STK3: variants seen among roughly 807,000 people sequenced by gnomAD.
STK3 encodes serine/threonine kinase 3.
In STK3, 41 loss-of-function variants were observed where a neutral mutation model predicts 58.0. The ratio of observed to expected loss-of-function variants is 0.71; its 90% CI spans 0.55 to 0.92. The LOEUF is 0.92. STK3 is among the 40% of genes least tolerant of loss of function. The probability of loss-of-function intolerance (pLI) is 0.00; values close to 1 mark genes in which losing one functional copy is unlikely to be tolerated. For synonymous variants in STK3, 170 were observed against 191.0 expected (o/e 0.89, Z 0.91); for missense variants, 479 against 602.7 (o/e 0.79, Z 2.15).
At chr8:98,893,472 AAG>A (rs1333075675) in intron 1 of STK3, among the ~76,000 whole-genome samples, 52 of 86,234 alleles carry the variant, frequency 6.0e-4, no homozygotes, top group African/African-American at 3.0e-3. Flanking sequence ...GAAAGAAAGA[AAG>A]AAAGAAAGAA....
chr8:98,368,891 G>A (rs1817587451), downstream of STK3, among the ~76,000 whole-genome samples: 1 of 152,092 alleles, frequency 6.6e-6, no homozygotes, highest in Non-Finnish European at 1.5e-5. Flanking sequence ...ATGGCCTCAA[G>A]GGCACTGGCA....
chr8:98,907,251 T>C (rs113424808), intron 1 of STK3, among the ~76,000 whole-genome samples: 5 of 152,054 alleles, frequency 3.3e-5, no homozygotes, highest in African/African-American at 1.2e-4. Context: ...CGGTGGCTTA[T>C]GGCTGTAATC....
chr8:98,765,522 C>G (rs997900835), intron 3 of STK3, among the ~76,000 whole-genome samples: 1 of 152,158 alleles, frequency 6.6e-6, no homozygotes, highest in Non-Finnish European at 1.5e-5. Context: ...TGTGCCCAGA[C>G]TACCCTGTGT....
At chr8:98,828,883 T>C (rs1587719258), upstream of STK3, among the ~76,000 whole-genome samples, 1 of 152,246 alleles carries the variant, frequency 6.6e-6, no homozygotes, top group African/African-American at 2.4e-5. Context: ...TATGAGTTGA[T>C]TGAAAGTTGA....
At chr8:98,369,070 C>T (rs1484906963), downstream of STK3, among the ~76,000 whole-genome samples, 3 of 152,204 alleles carry the variant, frequency 2.0e-5, no homozygotes, top group Non-Finnish European at 2.9e-5. Flanking sequence ...GCCAAATATC[C>T]TCTTAATCTC....
chr8:98,818,538 ATGTG>A lies in STK3; in HGVS notation c.26+6973_26+6976del, dbSNP rs72513007. Reference sequence around the variant, plus strand: ...ATTAGCTGCCAATTATAAATTATAAATGTGTGTGTGTGTGTGTGTGTGTGTGTGT... The same window carrying A: ...ATTAGCTGCCAATTATAAATTATAAATGTGTGTGTGTGTGTGTGTGTGTGT... On this transcript the variant is annotated intron_variant, in intron 1 of 10. Coordinates refer to ENST00000419617, the MANE Select transcript of STK3 (RefSeq NM_006281.4). 9.2e-3 allele frequency among the ~76,000 whole-genome samples: 1,340 copies of A among 145,354 alleles called. 13 individuals are homozygous for A. Among genetic ancestry groups the A allele is most frequent in the Admixed American group, 0.047 (686 of 14,610 alleles).
downstream of STK3, among the ~76,000 whole-genome samples, chr8:98,367,203 C>T (rs1006734649): frequency 3.3e-5 from 5 of 152,142 alleles, no homozygotes; most frequent in Non-Finnish European, 7.3e-5. Flanking sequence ...AATGCCTAGC[C>T]CATAGTAAGT....
intron 3 of STK3, among the ~76,000 whole-genome samples, chr8:98,838,734 A>C (rs1013959510): frequency 1.3e-5 from 2 of 152,160 alleles, no homozygotes; most frequent in Non-Finnish European, 2.9e-5. Flanking sequence ...AAAACTTCCC[A>C]AAAATCCTCT....
At chr8:98,638,260 C>T (rs1819764692) in intron 6 of STK3, among the ~76,000 whole-genome samples, 1 of 152,168 alleles carries the variant, frequency 6.6e-6, no homozygotes, top group Admixed American at 6.5e-5. Context: ...ACCATTATTA[C>T]AAAAATGGAA....
At chr8:98,763,195 A>T (rs1188635612) in intron 3 of STK3, among the ~76,000 whole-genome samples, 6 of 152,330 alleles carry the variant, frequency 3.9e-5, no homozygotes, top group African/African-American at 1.4e-4. Flanking sequence ...GCTGACCCAC[A>T]GAAGTTGAAT....
chr8:98,629,695 A>G (rs1393708179), intron 6 of STK3, among the ~76,000 whole-genome samples: 1 of 152,222 alleles, frequency 6.6e-6, no homozygotes, highest in Non-Finnish European at 1.5e-5. Flanking sequence ...ACAGAAGCCA[A>G]GCAAATATAA....
intron 8 of STK3, among the ~76,000 whole-genome samples, chr8:98,556,690 T>C (rs1445243837): frequency 2.0e-5 from 3 of 152,048 alleles, no homozygotes; most frequent in Non-Finnish European, 2.9e-5. Flanking sequence ...CCTTGGGAAC[T>C]AAAAGATGAT....
intron 1 of STK3, among the ~76,000 whole-genome samples, chr8:98,911,440 C>CTATA (rs1339836906): frequency 6.6e-6 from 1 of 152,100 alleles, no homozygotes; most frequent in Non-Finnish European, 1.5e-5. Context: ...GTTACCCAGG[C>CTATA]TATAGTGCAG....
At chr8:98,724,560 T>A (rs1161450549) in intron 4 of STK3, among the ~76,000 whole-genome samples, 2 of 152,208 alleles carry the variant, frequency 1.3e-5, no homozygotes, top group Non-Finnish European at 2.9e-5. Flanking sequence ...AAAGATGACA[T>A]GATCATATCT....
intron 3 of STK3, among the ~76,000 whole-genome samples, chr8:98,416,273 T>C (rs1279172229): frequency 1.3e-5 from 2 of 152,130 alleles, no homozygotes; most frequent in Admixed American, 1.3e-4. Context: ...GACTCTAGCT[T>C]TGACATCTTT....
At chr8:98,665,361 T>G (rs548916438) in intron 6 of STK3, among the ~76,000 whole-genome samples, 1 of 152,152 alleles carries the variant, frequency 6.6e-6, no homozygotes, top group Non-Finnish European at 1.5e-5. Flanking sequence ...GTATCCCCAT[T>G]GAAGTAGCTG....
rs983276938 is a variant in STK3 at position 98,455,441 on chromosome 8, A to G, written c.*401T>C. On this transcript the variant is annotated 3_prime_UTR_variant, in exon 11 of 11. Transcript: ENST00000419617. ...CAAAGCAAAATAGCATAAATAAATA[A>G]GTTTACCTAAGGGGATACAATAAAT... The G allele has an allele frequency of 1.3e-5, 2 of 157,834 alleles. No individual in the cohort carries two copies. The highest frequency in any genetic ancestry group is 1.3e-4 in the Admixed American group (2 of 15,774). The allele number at this position is 157,834 out of a possible 1,614,324, so 9.8% of individuals were successfully genotyped here. A position where few individuals can be genotyped will look rare whatever the true frequency, so the allele number is the denominator to read the frequency against.
intron 1 of STK3, among the ~76,000 whole-genome samples, chr8:98,449,323 A>G (rs995403604): frequency 6.6e-6 from 1 of 152,196 alleles, no homozygotes; most frequent in Non-Finnish European, 1.5e-5. Flanking sequence ...TTTTTAGTGG[A>G]AGAACCCATG....
chr8:98,825,648 G>A lies in STK3; in HGVS notation c.-108C>T. The A allele has an allele frequency of 1.6e-6, 2 of 1,218,122 alleles. No homozygotes were observed. Among genetic ancestry groups the A allele is most frequent in the Non-Finnish European group, 2.1e-6 (2 of 966,260 alleles). 75.5% of individuals were successfully genotyped at this position (1,218,122 alleles called of 1,614,324 possible). A position where few individuals can be genotyped will look rare whatever the true frequency, so the allele number is the denominator to read the frequency against. ...CTAGGGCACCACAGAGGGAAACTCT[G>A]GGAACTCGGACCAACTTTCCCGTAA... On this transcript the variant is annotated 5_prime_UTR_variant, in exon 1 of 11. Coordinates refer to ENST00000419617, the MANE Select transcript of STK3 (RefSeq NM_006281.4).
Sources: allele counts gnomAD v4.1 joint callset (sites outside exome capture counted in the v4.1 genomes callset), GRCh38; gene constraint gnomAD v4.1.1; transcripts MANE v1.5; gene names NCBI Gene and HGNC (gene_info 2026-07-23, HGNC 2026-07-21).